Variants in ENOX1 observed in about 807,000 individuals in gnomAD.
The protein encoded by ENOX1 is candidate growth-related and time keeping constitutive hydroquinone (NADH) oxidase.
Under a neutral mutation model 82.5 loss-of-function variants are expected in ENOX1, and 42 were observed. The ratio of observed to expected loss-of-function variants is 0.51; its 90% CI spans 0.40 to 0.66. The LOEUF (loss-of-function observed/expected upper bound fraction) is 0.66. Among genes scored for constraint, ENOX1 ranks in the 30% least tolerant of loss-of-function variants. The pLI is 0.00. For missense variants in ENOX1, 608 were observed against 811.6 expected, an observed-to-expected ratio of 0.75 and a Z score of 3.05; for synonymous variants, 271 against 282.2, an observed-to-expected ratio of 0.96 and a Z score of 0.40.
chr13:43,573,282 T>C (rs530509944), intron 2 of ENOX1, among the ~76,000 whole-genome samples: 10 of 152,210 alleles, frequency 6.6e-5, no homozygotes, highest in South Asian at 4.1e-4. Flanking sequence ...TTTACTTCTT[T>C]AAATTGGCAC....
intron 1 of ENOX1, among the ~76,000 whole-genome samples, chr13:43,771,256 G>A (rs1489321400): frequency 3.3e-5 from 5 of 152,092 alleles, no homozygotes; most frequent in Admixed American, 3.3e-4. Flanking sequence ...TTGAGGCCAC[G>A]TAAAAGCTGC....
intron 5 of ENOX1, among the ~76,000 whole-genome samples, chr13:43,387,711 AACATATATAC>A (rs917659657): frequency 6.6e-6 from 1 of 152,070 alleles, no homozygotes; most frequent in African/African-American, 2.4e-5. Context: ...CACATATATA[AACATATATAC>A]ACATATATGC....
rs563978583 is a variant in ENOX1, at chr13:43,751,776, T to C, written c.-285+34876A>G. On this transcript the variant is annotated intron_variant, in intron 1 of 16. Transcript: ENST00000690772. ...CTATACTATAATGAGTTTGTCTTTT[T>C]ACCTGTTGATGGACATGTGGGTTAT... 3.9e-5 allele frequency among the ~76,000 whole-genome samples: 6 copies of C among 152,340 alleles called. No homozygotes were observed. The South Asian group carries it at 1.2e-3, about 32-fold the overall frequency.
At chr13:43,667,966 ATC>A (rs2085068123) in intron 1 of ENOX1, among the ~76,000 whole-genome samples, 2 of 152,352 alleles carry the variant, frequency 1.3e-5, no homozygotes, top group Admixed American at 6.5e-5. Flanking sequence ...GTTGACTGGT[ATC>A]AGACGTACTG....
chr13:43,583,177 C>A (rs2080828257), intron 2 of ENOX1, among the ~76,000 whole-genome samples: 1 of 152,040 alleles, frequency 6.6e-6, no homozygotes, highest in Non-Finnish European at 1.5e-5. Flanking sequence ...ACATTGATAC[C>A]AAAACTTGAC....
chr13:43,700,127 A>G (rs1433900263), intron 1 of ENOX1, among the ~76,000 whole-genome samples: 1 of 152,192 alleles, frequency 6.6e-6, no homozygotes, highest in Admixed American at 6.5e-5. Context: ...CTACTAAATG[A>G]AAACTCACTT....
At chr13:43,737,920 C>A (rs551055801) in intron 1 of ENOX1, among the ~76,000 whole-genome samples, 7 of 152,224 alleles carry the variant, frequency 4.6e-5, no homozygotes, top group African/African-American at 1.7e-4. Flanking sequence ...CACAGCAGAT[C>A]AAAAAATCAG....
chr13:43,338,146 G>A (rs1470242863), intron 9 of ENOX1, among the ~76,000 whole-genome samples: 1 of 152,128 alleles, frequency 6.6e-6, no homozygotes, highest in Non-Finnish European at 1.5e-5. Context: ...TGTTGTAATT[G>A]TTAAAAGGCA....
At chr13:43,594,527 C>G (rs1343214831) in intron 2 of ENOX1, among the ~76,000 whole-genome samples, 1 of 152,190 alleles carries the variant, frequency 6.6e-6, no homozygotes, top group African/African-American at 2.4e-5. Flanking sequence ...CTGAGGCTGA[C>G]ATGGAACCCA....
chr13:43,448,540 G>A (rs1329833892), intron 3 of ENOX1, among the ~76,000 whole-genome samples: 5 of 152,150 alleles, frequency 3.3e-5, no homozygotes, highest in Admixed American at 3.3e-4. Flanking sequence ...TGGGAGAAAA[G>A]TGAAGAGAAA....
intron 2 of ENOX1, among the ~76,000 whole-genome samples, chr13:43,627,974 C>T (rs2083038990): frequency 6.6e-6 from 1 of 152,060 alleles, no homozygotes; most frequent in African/African-American, 2.4e-5. Flanking sequence ...GAGAAACACG[C>T]TGTCCTTCTA....
chr13:43,452,270 C>A (rs993601227), intron 3 of ENOX1, among the ~76,000 whole-genome samples: 1 of 152,112 alleles, frequency 6.6e-6, no homozygotes, highest in African/African-American at 2.4e-5. Context: ...ATCCCTCCTC[C>A]TGCCCCACAC....
intron 16 of ENOX1, among the ~76,000 whole-genome samples, chr13:43,217,867 AAAGATCTTAAAATG>A (rs2041570316): frequency 1.3e-5 from 2 of 152,212 alleles, no homozygotes; most frequent in Non-Finnish European, 2.9e-5. Context: ...AGGTTGTGGC[AAAGATCTTAAAATG>A]AGAGGATGTG....
At chr13:43,448,604 G>C (rs2153629031) in intron 3 of ENOX1, among the ~76,000 whole-genome samples, 1 of 152,306 alleles carries the variant, frequency 6.6e-6, no homozygotes, top group African/African-American at 2.4e-5. Context: ...CAATCCAGTA[G>C]TACAGTTCTT....
chr13:43,713,626 C>T (rs183614836), intron 1 of ENOX1, among the ~76,000 whole-genome samples: 2 of 152,272 alleles, frequency 1.3e-5, no homozygotes, highest in African/African-American at 4.8e-5. Flanking sequence ...TCAACTTCTT[C>T]CTGGTTTAGT....
In ENOX1 at chr13:43,344,405, T is replaced by C. The variant is rs563628503; in HGVS notation, c.1036+133A>G. The C allele has an allele frequency of 2.1e-3, 1,515 of 731,550 alleles. 2 individuals carry two copies. Among genetic ancestry groups the C allele is most frequent in the Non-Finnish European group, 2.9e-3 (1,298 of 441,362 alleles). The allele number at this position is 731,550 out of a possible 1,614,324, so 45.3% of individuals were successfully genotyped here. ...TTGCCACAGAACATGAAATAGGTTA[T>C]GAAGTTTGCCATTCAATATGGAGTA... On this transcript the variant is annotated intron_variant, in intron 9 of 16. Coordinates refer to ENST00000690772, the MANE Select transcript of ENOX1 (RefSeq NM_001347969.2).
intron 2 of ENOX1, among the ~76,000 whole-genome samples, chr13:43,497,212 T>C (rs1290769406): frequency 6.6e-6 from 1 of 152,170 alleles, no homozygotes; most frequent in Non-Finnish European, 1.5e-5. Flanking sequence ...TTTGACTTGC[T>C]GTCTCCAAAT....
At chr13:43,745,282 C>A (rs1296827933) in intron 1 of ENOX1, among the ~76,000 whole-genome samples, 3 of 152,146 alleles carry the variant, frequency 2.0e-5, no homozygotes, top group Non-Finnish European at 4.4e-5. Flanking sequence ...ATTACACTTC[C>A]ATTTGAACCA....
chr13:43,337,128 C>T (rs141825488), intron 9 of ENOX1, among the ~76,000 whole-genome samples: 50 of 152,314 alleles, frequency 3.3e-4, no homozygotes, highest in Admixed American at 7.2e-4. Context: ...ATTGAGATCA[C>T]GGTTTACTAA....
Sources: gnomAD v4.1 joint callset for allele counts (sites outside exome capture counted in the v4.1 genomes callset) on GRCh38, gnomAD v4.1.1 for gene constraint, MANE v1.5 for transcripts, NCBI Gene and HGNC (gene_info 2026-07-23, HGNC 2026-07-21) for gene names.